Variants in HAS3 observed in about 807,000 individuals in gnomAD.
The protein encoded by HAS3 is HA synthase 3.
HAS3 carries 27 observed loss-of-function variants against 50.3 expected under a neutral mutation model. That is an observed-to-expected ratio of 0.54 (90% CI 0.40 to 0.74). HAS3 has a LOEUF of 0.74. HAS3 is among the 30% of genes least tolerant of loss of function. HAS3 has a pLI of 0.00. For missense variants in HAS3, 517 were observed against 742.8 expected (o/e 0.70, Z 3.53); for synonymous variants, 339 against 310.9 (o/e 1.09, Z -0.95).
At chr16:69,088,954 C>T in the HAS3 span, among the ~76,000 whole-genome samples, 2 of 152,068 alleles carry the variant, frequency 1.3e-5, no homozygotes, top group Non-Finnish European at 2.9e-5. Flanking sequence ...ATGCATATAA[C>T]CATACCCAGC....
chr16:69,087,332 C>T, the HAS3 span, among the ~76,000 whole-genome samples: 1 of 152,242 alleles, frequency 6.6e-6, no homozygotes, highest in African/African-American at 2.4e-5. Context: ...GGCTTCTGCC[C>T]AAGCTTCAAC....
At chr16:69,102,936 G>T (rs1347467360), upstream of HAS3, among the ~76,000 whole-genome samples, 2 of 151,872 alleles carry the variant, frequency 1.3e-5, no homozygotes, top group Non-Finnish European at 2.9e-5. Context: ...TTCTAAACAG[G>T]TCACTTACAA....
chr16:69,118,571 A>C (rs1238561545), downstream of HAS3: 1 of 757,558 alleles, frequency 1.3e-6, no homozygotes, highest in African/African-American at 1.7e-5. Flanking sequence ...AGTAAGAAAC[A>C]ATGGGCAGAA....
At chr16:69,095,308 T>TA in the HAS3 span, among the ~76,000 whole-genome samples, 1 of 151,986 alleles carries the variant, frequency 6.6e-6, no homozygotes, top group Non-Finnish European at 1.5e-5. Flanking sequence ...TTAAGGTTAG[T>TA]AAATTAAACA....
In HAS3 at chr16:69,116,536, T is replaced by G. The variant is rs1361163542; in HGVS notation, c.*1270T>G. ...TGGTTATCTTTGAGACCATCCATTC[T>G]CCTCAGTGGCTTCTCCAGGGAATTC... On this transcript the variant is annotated 3_prime_UTR_variant, in exon 4 of 4. Coordinates refer to ENST00000569188, the MANE Select transcript of HAS3 (RefSeq NM_001199280.2). The G allele has an allele frequency of 1.0e-6, 1 of 985,518 alleles. No homozygotes were observed. The highest frequency in any genetic ancestry group is 1.7e-5 in the African/African-American group (1 of 57,250). 61.0% of individuals were successfully genotyped at this position (985,518 alleles called of 1,614,324 possible). A position where few individuals can be genotyped will look rare whatever the true frequency, so the allele number is the denominator to read the frequency against.
the HAS3 span, among the ~76,000 whole-genome samples, chr16:69,089,632 C>T: frequency 2.6e-5 from 4 of 152,206 alleles, no homozygotes; most frequent in African/African-American, 7.2e-5. Context: ...TTACAATACC[C>T]GGTGCTGCCT....
chr16:69,104,259 G>GTTTTTTTTTTTTTTTTT, upstream of HAS3, among the ~76,000 whole-genome samples: 2 of 127,102 alleles, frequency 1.6e-5, no homozygotes, highest in African/African-American at 2.8e-5. Flanking sequence ...CCTGGCTAAT[G>GTTTTTTTTTTTTTTTTT]TTTTTTTTTT....
the HAS3 span, among the ~76,000 whole-genome samples, chr16:69,088,588 A>G: frequency 6.6e-6 from 1 of 151,970 alleles, no homozygotes; most frequent in African/African-American, 2.4e-5. Flanking sequence ...AAGACAAGAA[A>G]AAAAAGTAAA....
the HAS3 span, among the ~76,000 whole-genome samples, chr16:69,088,188 A>G: frequency 1.2e-4 from 18 of 152,186 alleles, no homozygotes; most frequent in African/African-American, 4.3e-4. Flanking sequence ...AGAACACAAC[A>G]GTGAACAAAA....
At position 69,117,084 on chromosome 16, in the gene HAS3, C is replaced by A; in HGVS notation, c.*1818C>A. ...TAAGACTGCTGGTTGACATCAGACC[C>A]AACCCATGAAGGCTGGAAGGCAGCA... On this transcript the variant is annotated 3_prime_UTR_variant, in exon 4 of 4. Transcript: ENST00000569188. 1.0e-6 allele frequency: 1 copy of A among 985,722 alleles called. No individual in the cohort carries two copies. Among genetic ancestry groups the A allele is most frequent in the Non-Finnish European group, 1.2e-6 (1 of 829,942 alleles). The allele number at this position is 985,722 out of a possible 1,614,324, so 61.1% of individuals were successfully genotyped here.
rs146151142 is a variant in HAS3, at chr16:69,116,242, C to G, written c.*976C>G. On this transcript the variant is annotated 3_prime_UTR_variant, in exon 4 of 4. Coordinates refer to ENST00000569188, the MANE Select transcript of HAS3 (RefSeq NM_001199280.2). Reference sequence around the variant, plus strand: ...TGAGGTATCACTGCAGTCACCTCTTCTACCCTCATCATCATAGGTAAGGTT... The same window carrying G: ...TGAGGTATCACTGCAGTCACCTCTTGTACCCTCATCATCATAGGTAAGGTT... 1.0e-6 allele frequency: 1 copy of G among 985,616 alleles called. No homozygotes were observed. Among genetic ancestry groups the G allele is most frequent in the East Asian group, 1.1e-4 (1 of 8,818 alleles). The allele number at this position is 985,616 out of a possible 1,614,324, so 61.1% of individuals were successfully genotyped here.
In HAS3 at chr16:69,109,453, G is replaced by A. The variant is rs1960919523; in HGVS notation, c.58G>A (p.Ala20Thr). 6.2e-7 allele frequency: 1 copy of A among 1,613,210 alleles called. No homozygotes were observed. Among genetic ancestry groups the A allele is most frequent in the Admixed American group, 1.7e-5 (1 of 59,998 alleles). Residue 20 changes from alanine to threonine, a missense_variant, in exon 2 of 4, where the codon GCA becomes ACA. Coordinates refer to ENST00000569188, the MANE Select transcript of HAS3 (RefSeq NM_001199280.2). The surrounding 1 kb of genome is among the most constrained non-coding windows in gnomAD (Gnocchi z 5.3). ...RVVGTSLFAL[A>T]VLGGILAAYV... The stretch of plus-strand genomic sequence containing the variant: ...GGTGGGCACCAGCCTGTTTGCCCTG[G>A]CAGTGCTGGGTGGCATCCTGGCAGC...
chr16:69,107,523 G>GGGATGAGAAGCGTGGCGAGT lies in HAS3; in HGVS notation c.-1+1738_-1+1757dup, dbSNP rs765111936. ...TTTGCCAAGAGGCGAGGCTCGAGCG[G>GGGATGAGAAGCGTGGCGAGT]GGATGAGAAGCGTGGCGAGTGCGTT... On this transcript the variant is annotated intron_variant, in intron 1 of 3. Coordinates refer to ENST00000569188, the MANE Select transcript of HAS3 (RefSeq NM_001199280.2). This position sits in a 1 kb window ranked among gnomAD's most constrained non-coding sequence, Gnocchi z 5.5. 788 of 985,430 alleles carry GGGATGAGAAGCGTGGCGAGT rather than the reference G, an allele frequency of 8.0e-4. 1 individual carries two copies. Among genetic ancestry groups the GGGATGAGAAGCGTGGCGAGT allele is most frequent in the Non-Finnish European group, 9.2e-4 (761 of 830,032 alleles). The allele number at this position is 985,430 out of a possible 1,614,324, so 61.0% of individuals were successfully genotyped here.
chr16:69,101,817 C>A (rs1437678959), upstream of HAS3, among the ~76,000 whole-genome samples: 3 of 151,782 alleles, frequency 2.0e-5, no homozygotes, highest in African/African-American at 4.8e-5. Flanking sequence ...CGGGGTCTCG[C>A]CCTGTCGCCC....
In HAS3 at chr16:69,107,525, G is replaced by T; in HGVS notation, c.-1+1738G>T. The T allele has an allele frequency of 3.0e-6, 3 of 985,570 alleles. No individual in the cohort carries two copies. The highest frequency in any genetic ancestry group is 3.6e-6 in the Non-Finnish European group (3 of 830,052). The allele number at this position is 985,570 out of a possible 1,614,324, so 61.1% of individuals were successfully genotyped here. A position where few individuals can be genotyped will look rare whatever the true frequency, so the allele number is the denominator to read the frequency against. On this transcript the variant is annotated intron_variant, in intron 1 of 3. Coordinates refer to ENST00000569188, the MANE Select transcript of HAS3 (RefSeq NM_001199280.2). This position sits in a 1 kb window ranked among gnomAD's most constrained non-coding sequence, Gnocchi z 5.5. The stretch of plus-strand genomic sequence containing the variant: ...TGCCAAGAGGCGAGGCTCGAGCGGG[G>T]ATGAGAAGCGTGGCGAGTGCGTTCG...
At position 69,117,161 on chromosome 16, in the gene HAS3, TA is replaced by T. The variant is rs1961220740; in HGVS notation, c.*1898del. ...GCAATCGTTCTGCTGGCCAAGAAGTTAAACTATTTTGAGCATTAGAATGGAG... is the reference window on the plus strand; with the variant it reads ...GCAATCGTTCTGCTGGCCAAGAAGTTAACTATTTTGAGCATTAGAATGGAG... On this transcript the variant is annotated 3_prime_UTR_variant, in exon 4 of 4. Transcript: ENST00000569188. The T allele has an allele frequency of 2.0e-6, 2 of 985,890 alleles. No homozygotes were observed. Among genetic ancestry groups the T allele is most frequent in the East Asian group, 1.1e-4 (1 of 8,822 alleles). The allele number at this position is 985,890 out of a possible 1,614,324, so 61.1% of individuals were successfully genotyped here.
In HAS3 at chr16:69,116,091, C is replaced by G. The variant is rs1961169596; in HGVS notation, c.*825C>G. On this transcript the variant is annotated 3_prime_UTR_variant, in exon 4 of 4. Coordinates refer to ENST00000569188, the MANE Select transcript of HAS3 (RefSeq NM_001199280.2). The stretch of plus-strand genomic sequence containing the variant: ...GGGAGATAAAAAGATTAAGCCCCAA[C>G]ATGTTCAGAAAAGAAGTGAAGTCTT... 5.1e-6 allele frequency: 5 copies of G among 985,502 alleles called. No homozygotes were observed. Among genetic ancestry groups the G allele is most frequent in the Non-Finnish European group, 6.0e-6 (5 of 829,840 alleles). The allele number at this position is 985,502 out of a possible 1,614,324, so 61.0% of individuals were successfully genotyped here.
chr16:69,114,369 T>A lies in HAS3; in HGVS notation c.765T>A (p.Ile255=), dbSNP rs775936217. The A allele has an allele frequency of 6.2e-6, 10 of 1,605,004 alleles. 1 individual carries two copies. In the South Asian group the frequency reaches 9.9e-5, roughly 16 times the overall value. ...TCCTCAACAAGTACGACTCATGGAT[T>A]TCCTTCCTGAGCAGCGTGCGGTACT... The part of the protein sequence containing the change: ...VQILNKYDSW[I]SFLSSVRYWM... The change falls in exon 4 of 4, where the codon ATT becomes ATA. Residue 255 remains isoleucine, a synonymous_variant. Transcript: ENST00000569188. This position sits in a 1 kb window ranked among gnomAD's most constrained non-coding sequence, Gnocchi z 6.4.
rs1173255514 is a variant in HAS3, at chr16:69,108,628, G to A, written c.1-768G>A. ...CACTGTGGAGGCTGCTGCAGTGGTGGCTGCAGTTCCCTGTGCTTTCTTCAG... is the reference window on the plus strand; with the variant it reads ...CACTGTGGAGGCTGCTGCAGTGGTGACTGCAGTTCCCTGTGCTTTCTTCAG... On this transcript the variant is annotated intron_variant, in intron 1 of 3. Coordinates refer to ENST00000569188, the MANE Select transcript of HAS3 (RefSeq NM_001199280.2). Among the ~76,000 whole-genome samples, 4 of 152,288 alleles carry A rather than the reference G, an allele frequency of 2.6e-5. No homozygotes were observed. The East Asian group carries it at 7.7e-4, about 30-fold the overall frequency.
Sources: allele counts gnomAD v4.1 joint callset (sites outside exome capture counted in the v4.1 genomes callset), GRCh38; gene constraint gnomAD v4.1.1; non-coding constraint Gnocchi (gnomAD v3.1); transcripts MANE v1.5; gene names NCBI Gene and HGNC (gene_info 2026-07-23, HGNC 2026-07-21).